Variants in FAT3 observed in about 807,000 individuals in gnomAD.
FAT3 encodes protocadherin Fat 3.
FAT3 carries 95 observed loss-of-function variants against 310.2 expected under a neutral mutation model. The ratio of observed to expected loss-of-function variants is 0.31; its 90% CI spans 0.26 to 0.36. The LOEUF is 0.36. Among genes scored for constraint, FAT3 ranks in the 10% least tolerant of loss-of-function variants. The pLI, the probability that FAT3 is intolerant of heterozygous loss-of-function variation, is 1.00. For synonymous variants in FAT3, 2,314 were observed against 2,192.9 expected, an observed-to-expected ratio of 1.06 and a Z score of -1.54; for missense variants, 5,408 against 5,715.6, an observed-to-expected ratio of 0.95 and a Z score of 1.74.
chr11:92,643,560 A>G (rs1389705304), intron 3 of FAT3, among the ~76,000 whole-genome samples: 1 of 152,204 alleles, frequency 6.6e-6, no homozygotes, highest in African/African-American at 2.4e-5. Flanking sequence ...TATGCTTCCA[A>G]CAAGGAGGAT....
At chr11:92,848,902 A>G (rs367883653) in intron 19 of FAT3, among the ~76,000 whole-genome samples, 2 of 152,230 alleles carry the variant, frequency 1.3e-5, no homozygotes, top group Non-Finnish European at 2.9e-5. Flanking sequence ...TGACCAGGAT[A>G]GGGGATTCCA....
At position 92,800,129 on chromosome 11, in the gene FAT3, A is replaced by G. The variant is rs766484263; in HGVS notation, c.7116A>G (p.Pro2372=). 6 of 1,613,958 alleles carry G rather than the reference A, an allele frequency of 3.7e-6. No homozygotes were observed. Among genetic ancestry groups the G allele is most frequent in the Admixed American group, 1.7e-5 (1 of 60,022 alleles). The change falls in exon 10 of 28, where the codon CCA becomes CCG. Residue 2372 remains proline (P), a synonymous_variant. Coordinates refer to ENST00000525166, the MANE Select transcript of FAT3 (RefSeq NM_001367949.2). ...LKVRSIDSGF[P]SLSSEVLVHI... ...TCAGATCAATAGATAGTGGCTTCCC[A>G]TCACTGAGCAGTGAGGTTCTCGTTC... is the stretch of plus-strand genomic sequence containing the variant.
rs775635508 is a variant in FAT3 at position 92,883,026 on chromosome 11, G to C, written c.12570G>C (p.Thr4190=). 4 of 1,613,860 alleles carry C rather than the reference G, an allele frequency of 2.5e-6. No homozygotes were observed. The highest frequency in any genetic ancestry group is 1.7e-6 in the Non-Finnish European group (2 of 1,179,900). ...AGAACTACTCCCGCAACAACATCAC[G>C]CTAGTGCAGGACCCGGCCACCGCCG... is the stretch of plus-strand genomic sequence containing the variant. ...FRKNYSRNNI[T]LVQDPATAAL... is the part of the protein sequence containing the mutation. The change falls in exon 24 of 28, where the codon ACG becomes ACC. Residue 4190 remains threonine (T), a synonymous_variant. Coordinates refer to ENST00000525166, the MANE Select transcript of FAT3 (RefSeq NM_001367949.2). This position sits in a 1 kb window ranked among gnomAD's most constrained non-coding sequence, Gnocchi z 4.2.
chr11:92,801,166 C>T lies in FAT3; in HGVS notation c.8153C>T (p.Ala2718Val). Residue 2718 changes from alanine (A) to valine (V), a missense_variant, in exon 10 of 28, where the codon GCA becomes GTA. Physicochemically the swap from Ala to Val is moderately conservative, Grantham distance 64. Around this residue, in one of 5 missense-constraint regions of FAT3, gnomAD observed 4,588 missense variants for 4,809.8 expected, o/e 0.95. Transcript: ENST00000525166. ...FTQSQYSFTI[A>V]EDTAIGSTVD... ...CAGTCTCAGTATTCCTTTACCATTG[C>T]AGAAGATACAGCCATTGGGAGTACA... The T allele has an allele frequency of 6.2e-7, 1 of 1,613,924 alleles. No homozygotes were observed. Among genetic ancestry groups the T allele is most frequent in the Non-Finnish European group, 8.5e-7 (1 of 1,179,872 alleles).
chr11:92,440,454 A>G (rs1951041141), intron 2 of FAT3, among the ~76,000 whole-genome samples: 1 of 152,212 alleles, frequency 6.6e-6, no homozygotes, highest in Non-Finnish European at 1.5e-5. Context: ...AACTACCTCT[A>G]GGAGCATTAC....
At chr11:92,229,493 T>A (rs1390675974) in intron 1 of FAT3, among the ~76,000 whole-genome samples, 1 of 51,496 alleles carries the variant, frequency 1.9e-5, no homozygotes, top group African/African-American at 5.8e-5. Context: ...TTTTTTCGTG[T>A]TTTTTTTTTT....
At chr11:92,447,798 T>G (rs1951256751) in intron 2 of FAT3, among the ~76,000 whole-genome samples, 1 of 152,158 alleles carries the variant, frequency 6.6e-6, no homozygotes. Flanking sequence ...GAATGGCTTC[T>G]TTTATCCAAG....
chr11:92,459,184 T>C (rs1035229225), intron 2 of FAT3, among the ~76,000 whole-genome samples: 2 of 152,186 alleles, frequency 1.3e-5, no homozygotes, highest in Non-Finnish European at 2.9e-5. Flanking sequence ...GGTGCAGCCC[T>C]GGGCACATGT....
intron 4 of FAT3, among the ~76,000 whole-genome samples, chr11:92,723,612 A>G (rs1054710576): frequency 6.6e-6 from 1 of 152,230 alleles, no homozygotes; most frequent in Non-Finnish European, 1.5e-5. Flanking sequence ...TGTTAATAAA[A>G]ACATACTCAA....
At chr11:92,438,035 A>G (rs1950982168) in intron 2 of FAT3, among the ~76,000 whole-genome samples, 1 of 152,176 alleles carries the variant, frequency 6.6e-6, no homozygotes, top group Non-Finnish European at 1.5e-5. Context: ...TTGATGCTGA[A>G]AACTTGAAAA....
chr11:92,373,314 G>A lies in FAT3; in HGVS notation c.3292+17910G>A, dbSNP rs191984180. Reference sequence around the variant, plus strand: ...TGAGGTAGGTACTCTTACTGCTCCAGATTTGTGGGCATGGGAACTGAAATT... The same window carrying A: ...TGAGGTAGGTACTCTTACTGCTCCAAATTTGTGGGCATGGGAACTGAAATT... On this transcript the variant is annotated intron_variant, in intron 2 of 27. Transcript: ENST00000525166. Among the ~76,000 whole-genome samples the A allele has an allele frequency of 1.2e-4, 19 of 152,270 alleles. No homozygotes were observed. The East Asian group carries it at 3.3e-3, about 26-fold the overall frequency.
intron 4 of FAT3, among the ~76,000 whole-genome samples, chr11:92,707,536 A>G (rs553117893): frequency 6.6e-6 from 1 of 152,196 alleles, no homozygotes; most frequent in South Asian, 2.1e-4. Flanking sequence ...ACTGGCTTCT[A>G]CCTTCTTGGA....
chr11:92,355,187 C>T lies in FAT3; in HGVS notation c.3075C>T (p.Ser1025=), dbSNP rs748692596. 4.3e-6 allele frequency: 7 copies of T among 1,613,738 alleles called. No individual in the cohort carries two copies. In the South Asian group the frequency reaches 7.7e-5, roughly 18 times the overall value. Residue 1025 remains serine, a synonymous_variant, in exon 2 of 28, where the codon TCC becomes TCT. Coordinates refer to ENST00000525166, the MANE Select transcript of FAT3 (RefSeq NM_001367949.2). ...GGCCTGTCTCTCTGTCATCTGTTTCCTTTGTTGAGGTGGAAGTGGTGGATG... is the reference window on the plus strand; with the variant it reads ...GGCCTGTCTCTCTGTCATCTGTTTCTTTTGTTGAGGTGGAAGTGGTGGATG... ...KGRPVSLSSV[S]FVEVEVVDVN...
intron 3 of FAT3, among the ~76,000 whole-genome samples, chr11:92,643,111 C>A (rs1292787196): frequency 1.3e-5 from 2 of 152,226 alleles, no homozygotes; most frequent in Non-Finnish European, 2.9e-5. Flanking sequence ...GATTAAATTA[C>A]TTCATGGAGC....
intron 2 of FAT3, among the ~76,000 whole-genome samples, chr11:92,432,667 C>T (rs1184343435): frequency 1.3e-5 from 2 of 152,274 alleles, no homozygotes; most frequent in South Asian, 4.1e-4. Flanking sequence ...TACCAGATGC[C>T]AGCCAGAGCT....
chr11:92,687,898 C>T (rs1382974137), intron 3 of FAT3, among the ~76,000 whole-genome samples: 1 of 151,920 alleles, frequency 6.6e-6, no homozygotes, highest in Non-Finnish European at 1.5e-5. Flanking sequence ...CCTAGCATGC[C>T]TCAGATCTAA....
intron 2 of FAT3, chr11:92,406,853 C>A: frequency 6.6e-6 from 1 of 152,312 alleles, no homozygotes; most frequent in Non-Finnish European, 1.5e-5. Context: ...GGCATCCTAG[C>A]AGGCAAACAC....
chr11:92,389,984 G>T (rs1366437538), intron 2 of FAT3, among the ~76,000 whole-genome samples: 2 of 151,886 alleles, frequency 1.3e-5, no homozygotes, highest in African/African-American at 4.8e-5. Flanking sequence ...AGGCACGTCT[G>T]TAGAAAAGCA....
chr11:92,302,635 T>C (rs1947029172), intron 1 of FAT3, among the ~76,000 whole-genome samples: 1 of 152,106 alleles, frequency 6.6e-6, no homozygotes, highest in Admixed American at 6.6e-5. Context: ...GTTTCTGCAT[T>C]TATAAACATT....
Sources: gnomAD v4.1 joint callset for allele counts (sites outside exome capture counted in the v4.1 genomes callset) on GRCh38, gnomAD v4.1.1 for gene constraint, gnomAD v4.1.1 regional missense constraint, Gnocchi (gnomAD v3.1) non-coding constraint, MANE v1.5 for transcripts, NCBI Gene and HGNC (gene_info 2026-07-23, HGNC 2026-07-21) for gene names.